E4F1: variants seen among roughly 807,000 people sequenced by gnomAD.
E4F1 encodes E4F transcription factor 1, also known as transcription factor E4F1.
In E4F1, 30 loss-of-function variants were observed where a neutral mutation model predicts 72.9. The ratio of observed to expected loss-of-function variants is 0.41; its 90% CI spans 0.31 to 0.56. The LOEUF (loss-of-function observed/expected upper bound fraction) is 0.56, where lower values mean the gene tolerates loss of function less well. E4F1 is among the 20% of genes least tolerant of loss of function. The pLI is 0.25. For synonymous variants in E4F1, 542 were observed against 478.2 expected (o/e 1.13, Z -1.74); for missense variants, 1,091 against 1,117.5 (o/e 0.98, Z 0.34).
intron 2 of E4F1, among the ~76,000 whole-genome samples, chr16:2,229,007 G>T (rs931655982): frequency 6.6e-6 from 1 of 152,224 alleles, no homozygotes; most frequent in African/African-American, 2.4e-5. Context: ...CGCAGCGGGC[G>T]CTTGTCATCC....
At chr16:2,225,475 CT>C (rs34243234) in intron 1 of E4F1, among the ~76,000 whole-genome samples, 11,767 of 136,868 alleles carry the variant, frequency 0.086, 1,470 homozygotes, top group African/African-American at 0.29. Flanking sequence ...TCTCTATTTT[CT>C]TTTTTTTTTT....
At chr16:2,234,814 AG>A in intron 11 of E4F1, 33 bp downstream of exon 11, 1 of 338,482 alleles carries the variant, frequency 3.0e-6, no homozygotes, top group Non-Finnish European at 4.9e-6. Context: ...GGGGGAGGGG[AG>A]GGGGCCGGGG....
chr16:2,226,649 T>C (rs1016709700), intron 1 of E4F1, among the ~76,000 whole-genome samples: 3 of 152,238 alleles, frequency 2.0e-5, no homozygotes, highest in Non-Finnish European at 4.4e-5. Context: ...CTCCTATCCC[T>C]TTGTGTAAAC....
chr16:2,228,243 T>C (rs1331360626), intron 1 of E4F1, 129 bp from the exon 2 acceptor site: 1 of 1,257,352 alleles, frequency 8.0e-7, no homozygotes, highest in East Asian at 2.5e-5. Context: ...CTCAGCAGCC[T>C]GGGGAAGTAG....
chr16:2,226,831 G>A (rs1298704126), intron 1 of E4F1, among the ~76,000 whole-genome samples: 4 of 152,198 alleles, frequency 2.6e-5, no homozygotes, highest in East Asian at 1.9e-4. Flanking sequence ...ACCGGGGTCC[G>A]GCACAGCAAT....
rs1376526713 is a variant in E4F1, at chr16:2,233,900, TCAG to T, written c.1287_1289del (p.Ala430del). On this transcript the variant is annotated inframe_deletion, in exon 9 of 14. Transcript: ENST00000301727. ...TCCCCAGCAGGTGGCCAGCGAGGCC[TCAG>T]CGGTGCCCAGGACCCACCCATGTCC... 1 of 1,599,058 alleles carries T rather than the reference TCAG, an allele frequency of 6.3e-7. No homozygotes were observed. Among genetic ancestry groups the T allele is most frequent in the East Asian group, 2.3e-5 (1 of 44,192 alleles).
Position 2,233,878 on chromosome 16 carries a change from C to T in E4F1, c.1267-4C>T. 1 of 1,584,492 alleles carries T rather than the reference C, an allele frequency of 6.3e-7. No homozygotes were observed. ...GTGCTGGAGACCTTCCTGTGGTTCC[C>T]CAGCAGGTGGCCAGCGAGGCCTCAG... is the stretch of plus-strand genomic sequence containing the variant. On this transcript the variant is annotated splice_region_variant and splice_polypyrimidine_tract_variant and intron_variant, in intron 8 of 13. Transcript: ENST00000301727.
In E4F1 at chr16:2,228,494, C is replaced by CA. The variant is rs1418298593; in HGVS notation, c.280_281insA (p.Pro94HisfsTer43). 1 of 1,613,002 alleles carries CA rather than the reference C, an allele frequency of 6.2e-7. No individual in the cohort carries two copies. Among genetic ancestry groups the CA allele is most frequent in the South Asian group, 1.1e-5 (1 of 91,078 alleles). On this transcript the variant is annotated frameshift_variant, in exon 2 of 14. Transcript: ENST00000301727. LOFTEE classifies it high-confidence loss of function. The stretch of plus-strand genomic sequence containing the variant: ...CCCTCCGGAGGCCCTGCCTGCCACC[C>CA]CTGCCACCACAGCGTTGCTGGGCCA...
At chr16:2,228,997 C>T (rs529305808) in intron 2 of E4F1, among the ~76,000 whole-genome samples, 43 of 152,340 alleles carry the variant, frequency 2.8e-4, no homozygotes, top group African/African-American at 9.1e-4. Flanking sequence ...CCGCACACGC[C>T]GCAGCGGGCG....
At chr16:2,230,240 G>A (rs938337379) in intron 3 of E4F1, 1 of 155,438 alleles carries the variant, frequency 6.4e-6, no homozygotes, top group Admixed American at 6.3e-5. Context: ...AGGACTCTTT[G>A]ATGGCTACTT....
Position 2,233,651 on chromosome 16 carries a change from G to A in E4F1, c.1266+4G>A. 1.3e-6 allele frequency: 2 copies of A among 1,524,726 alleles called. No individual in the cohort carries two copies. Among genetic ancestry groups the A allele is most frequent in the South Asian group, 1.2e-5 (1 of 83,300 alleles). The allele number at this position is 1,524,726 out of a possible 1,614,324, so 94.4% of individuals were successfully genotyped here. Reference sequence around the variant, plus strand: ...GGAAGTGCAGCCGCTGGAGACAGTAGGTGCCAGCACCACCTGCGGGCTCCT... The same window carrying A: ...GGAAGTGCAGCCGCTGGAGACAGTAAGTGCCAGCACCACCTGCGGGCTCCT... On this transcript the variant is annotated splice_donor_region_variant and intron_variant, in intron 8 of 13. Transcript: ENST00000301727.
rs1028853905 is a variant in E4F1, at chr16:2,229,586, C to T, written c.326C>T (p.Pro109Leu). 14 of 1,611,694 alleles carry T rather than the reference C, an allele frequency of 8.7e-6. No homozygotes were observed. The highest frequency in any genetic ancestry group is 1.3e-5 in the African/African-American group (1 of 75,064). Residue 109 changes from proline (P) to leucine (L), a missense_variant, in exon 3 of 14, where the codon CCA (proline) becomes CTA (leucine). By Grantham distance (98) the Pro-to-Leu change is moderately conservative (BLOSUM62 -3). Around this residue, in one of 5 missense-constraint regions of E4F1, gnomAD observed 362 missense variants for 358.6 expected, o/e 1.01. Transcript: ENST00000301727. ...LLGQEVVPAA[P>L]GPEEPITVAH... ...CTTTGGCAGGTGGTGCCGGCAGCACCAGGCCCAGAGGAGCCCATCACTGTG... is the reference window on the plus strand; with the variant it reads ...CTTTGGCAGGTGGTGCCGGCAGCACTAGGCCCAGAGGAGCCCATCACTGTG...
intron 3 of E4F1, chr16:2,231,242 A>C (rs1307123733): frequency 6.6e-6 from 1 of 152,250 alleles, no homozygotes; most frequent in Non-Finnish European, 1.5e-5. Context: ...GGCAGTTGGA[A>C]CCCACCTCCA....
In E4F1 at chr16:2,234,263, C is replaced by A; in HGVS notation, c.1468C>A (p.Arg490Ser). 1 of 1,612,914 alleles carries A rather than the reference C, an allele frequency of 6.2e-7. No homozygotes were observed. The highest frequency in any genetic ancestry group is 8.5e-7 in the Non-Finnish European group (1 of 1,179,982). The part of the protein sequence containing the change: ...KHQEVHVRER[R>S]FRCGDCGKLY... ...CCAGGAGGTGCACGTGCGTGAGCGC[C>A]GCTTCCGCTGTGGCGACTGCGGGAA... Residue 490 changes from arginine to serine, a missense_variant, in exon 10 of 14, where the codon CGC (arginine) becomes AGC (serine). Transcript: ENST00000301727.
At chr16:2,234,026 G>C in intron 9 of E4F1, 36 bp downstream of exon 9, 2 of 1,554,382 alleles carry the variant, frequency 1.3e-6, no homozygotes, top group South Asian at 2.3e-5. Context: ...CATGGCAGTG[G>C]ATGGGCTATA....
chr16:2,235,407 C>T lies in E4F1; in HGVS notation c.2190C>T (p.Ala730=), dbSNP rs1340148081. Residue 730 remains alanine, a synonymous_variant, in exon 14 of 14, where the codon GCC becomes GCT. Transcript: ENST00000301727. ...TEQVAMTLAS[A]ISEGTVLAAR... is the part of the protein sequence containing the mutation. ...AGGTGGCCATGACGCTGGCCTCGGC[C>T]ATCAGCGAGGGCACTGTGCTTGCCG... is the stretch of plus-strand genomic sequence containing the variant. 1.9e-6 allele frequency: 3 copies of T among 1,612,056 alleles called. No homozygotes were observed. The highest frequency in any genetic ancestry group is 2.2e-5 in the East Asian group (1 of 44,854).
intron 1 of E4F1, among the ~76,000 whole-genome samples, chr16:2,225,377 T>TA (rs1267728348): frequency 6.6e-6 from 1 of 151,652 alleles, no homozygotes; most frequent in Non-Finnish European, 1.5e-5. Flanking sequence ...CTCATACCTG[T>TA]AACCCCAACA....
At chr16:2,233,817 G>A (rs1278371891) in intron 8 of E4F1, 65 bp from the exon 9 acceptor site, 2 of 1,469,758 alleles carry the variant, frequency 1.4e-6, no homozygotes, top group Non-Finnish European at 1.8e-6. Context: ...GCCCATGGTT[G>A]TGTTCTTGGT....
Position 2,232,903 on chromosome 16 carries a change from G to C in E4F1, c.878G>C (p.Arg293Pro), listed in dbSNP as rs751372530. The C allele has an allele frequency of 1.2e-6, 2 of 1,613,192 alleles. No homozygotes were observed. The highest frequency in any genetic ancestry group is 2.7e-5 in the African/African-American group (2 of 74,942). Residue 293 changes from arginine to proline, a missense_variant, in exon 6 of 14, where the codon CGT becomes CCT. Physicochemically the swap from Arg to Pro is moderately radical, Grantham distance 103. This residue lies in a region of E4F1 where 101 missense variants were observed against 97.4 expected (regional missense o/e 1.04). Transcript: ENST00000301727. The stretch of plus-strand genomic sequence containing the variant: ...GTGGTTGTCAGCAAAGAGGACGCAC[G>C]TGCAGGTCAGCATGGTGCGGGCAGC... ...KDVVVSKEDA[R>P]AGSGAGAAGL... is the part of the protein sequence containing the mutation.
Sources: allele counts gnomAD v4.1 joint callset (sites outside exome capture counted in the v4.1 genomes callset), GRCh38; gene constraint gnomAD v4.1.1; regional missense constraint gnomAD v4.1.1; transcripts MANE v1.5; gene names NCBI Gene and HGNC (gene_info 2026-07-23, HGNC 2026-07-21).